Variants in ROR2 observed in about 807,000 individuals in gnomAD.
ROR2 encodes tyrosine-protein kinase transmembrane receptor ROR2.
ROR2 carries 33 observed loss-of-function variants against 74.9 expected under a neutral mutation model. The ratio of observed to expected loss-of-function variants is 0.44; its 90% CI spans 0.33 to 0.59. ROR2 has a LOEUF of 0.59. Ranked by LOEUF, ROR2 falls within the 20% of genes least tolerant of loss-of-function variation. The pLI is 0.02. For missense variants in ROR2, 1,216 were observed against 1,313.8 expected, an observed-to-expected ratio of 0.93 and a Z score of 1.15; for synonymous variants, 586 against 558.7, an observed-to-expected ratio of 1.05 and a Z score of -0.69.
Position 91,766,229 on chromosome 9 carries a change from C to T in ROR2, c.176-8670G>A, listed in dbSNP as rs148046806. Among the ~76,000 whole-genome samples the T allele has an allele frequency of 1.4e-4, 22 of 152,316 alleles. No homozygotes were observed. The East Asian group carries it at 3.3e-3, about 23-fold the overall frequency. On this transcript the variant is annotated intron_variant, in intron 2 of 8. Coordinates refer to ENST00000375708, the MANE Select transcript of ROR2 (RefSeq NM_004560.4). ...GTGAGCTCATGTTACAACTCCATGA[C>T]GCCTTCAGAATTCGGCCCTTGGTCT... is the stretch of plus-strand genomic sequence containing the variant.
At chr9:91,725,994 C>T (rs1339974460) in intron 8 of ROR2, among the ~76,000 whole-genome samples, 1 of 152,206 alleles carries the variant, frequency 6.6e-6, no homozygotes, top group African/African-American at 2.4e-5. Context: ...TGCCCTTTTA[C>T]AACACAACCT....
At chr9:91,771,696 G>C (rs989912406) in intron 2 of ROR2, among the ~76,000 whole-genome samples, 26 of 149,056 alleles carry the variant, frequency 1.7e-4, no homozygotes, top group Non-Finnish European at 2.8e-4. Context: ...CTCTCTCTCT[G>C]TCTCTCTCTC....
At chr9:91,816,169 G>C (rs1157557351) in intron 1 of ROR2, among the ~76,000 whole-genome samples, 1 of 152,004 alleles carries the variant, frequency 6.6e-6, no homozygotes, top group Non-Finnish European at 1.5e-5. Context: ...TTTCTCCCTG[G>C]GCCTGCCCTC....
At chr9:91,834,711 A>G (rs1168125593) in intron 1 of ROR2, among the ~76,000 whole-genome samples, 2 of 152,210 alleles carry the variant, frequency 1.3e-5, no homozygotes, top group African/African-American at 2.4e-5. Flanking sequence ...CTCCAAAGGT[A>G]TGGATCCCAA....
chr9:91,760,499 T>C (rs1825881874), intron 2 of ROR2, among the ~76,000 whole-genome samples: 1 of 151,154 alleles, frequency 6.6e-6, no homozygotes, highest in East Asian at 1.9e-4. Context: ...CCAGGCGAGG[T>C]GGCGGGCGCC....
At chr9:91,754,210 T>C (rs1825670399) in intron 4 of ROR2, among the ~76,000 whole-genome samples, 1 of 150,692 alleles carries the variant, frequency 6.6e-6, no homozygotes, top group Non-Finnish European at 1.5e-5. Context: ...TAAATATATA[T>C]ATTTACAATT....
chr9:91,853,707 C>CT (rs1452620776), intron 1 of ROR2, among the ~76,000 whole-genome samples: 1 of 152,198 alleles, frequency 6.6e-6, no homozygotes, highest in East Asian at 1.9e-4. Context: ...ACATCCCACT[C>CT]TGAGAATCTA....
At chr9:91,812,067 A>C (rs898549650) in intron 1 of ROR2, among the ~76,000 whole-genome samples, 25 of 151,880 alleles carry the variant, frequency 1.6e-4, no homozygotes, top group Non-Finnish European at 2.9e-4. Context: ...AATGCAAAAA[A>C]AAAAAAAAAA....
intron 1 of ROR2, among the ~76,000 whole-genome samples, chr9:91,834,136 A>C (rs577330084): frequency 6.6e-6 from 1 of 152,324 alleles, no homozygotes; most frequent in South Asian, 2.1e-4. Context: ...AAGGTCAGTA[A>C]ATCTATCTTG....
At chr9:91,736,089 C>T (rs1431395543) in intron 5 of ROR2, among the ~76,000 whole-genome samples, 1 of 152,108 alleles carries the variant, frequency 6.6e-6, no homozygotes, top group Admixed American at 6.5e-5. Flanking sequence ...TCGGTAAAAA[C>T]CTTTGAGAAG....
chr9:91,815,644 C>T (rs1457524864), intron 1 of ROR2, among the ~76,000 whole-genome samples: 10 of 152,316 alleles, frequency 6.6e-5, no homozygotes, highest in Non-Finnish European at 1.0e-4. Context: ...GTATTCTTGA[C>T]GAACAGTGTG....
rs763809292 is a variant in ROR2 at position 91,733,245 on chromosome 9, G to T, written c.814C>A (p.Arg272Ser). The change falls in exon 6 of 9, where the codon CGC (arginine) becomes AGC (serine). Residue 272 changes from arginine (R) to serine (S), a missense_variant. By Grantham distance (110) the Arg-to-Ser change is moderately radical. Coordinates refer to ENST00000375708, the MANE Select transcript of ROR2 (RefSeq NM_004560.4). The surrounding 1 kb of genome is among the most constrained non-coding windows in gnomAD (Gnocchi z 5.7). ...DLCRQEYTIA[R>S]SNPLILMRLQ... Reference sequence around the variant, plus strand: ...CGCATGAGGATGAGCGGGTTGGAGCGGGCGATGGTGTACTCCTGGCGGCAC... The same window carrying T: ...CGCATGAGGATGAGCGGGTTGGAGCTGGCGATGGTGTACTCCTGGCGGCAC... The T allele has an allele frequency of 1.2e-6, 2 of 1,612,754 alleles. No homozygotes were observed. Among genetic ancestry groups the T allele is most frequent in the Non-Finnish European group, 8.5e-7 (1 of 1,179,712 alleles).
At chr9:91,747,204 C>T (rs1172571482) in intron 4 of ROR2, among the ~76,000 whole-genome samples, 1 of 152,200 alleles carries the variant, frequency 6.6e-6, no homozygotes, top group Non-Finnish European at 1.5e-5. Context: ...TGTGGAGGCA[C>T]CGCCTTTTCT....
At chr9:91,841,832 T>TA (rs1413044733) in intron 1 of ROR2, among the ~76,000 whole-genome samples, 1 of 152,208 alleles carries the variant, frequency 6.6e-6, no homozygotes, top group Non-Finnish European at 1.5e-5. Flanking sequence ...TTTCTTATAT[T>TA]AATGGCACCT....
chr9:91,857,182 A>ATCACC (rs1829318757), intron 1 of ROR2, among the ~76,000 whole-genome samples: 1 of 152,212 alleles, frequency 6.6e-6, no homozygotes, highest in Non-Finnish European at 1.5e-5. Flanking sequence ...GCCTGCAGTC[A>ATCACC]TCACCTCCTC....
chr9:91,882,185 G>A (rs1048042839), intron 1 of ROR2, among the ~76,000 whole-genome samples: 5 of 152,144 alleles, frequency 3.3e-5, no homozygotes, highest in Admixed American at 6.5e-5. Flanking sequence ...GCTGAGGCGG[G>A]TGGATCTTGA....
intron 1 of ROR2, among the ~76,000 whole-genome samples, chr9:91,947,963 C>T (rs1483076236): frequency 6.6e-6 from 1 of 152,068 alleles, no homozygotes; most frequent in Non-Finnish European, 1.5e-5. Flanking sequence ...AGAATTATAT[C>T]CTATGCCCTC....
At position 91,724,752 on chromosome 9, in the gene ROR2, C is replaced by T. The variant is rs151303242; in HGVS notation, c.1742G>A (p.Arg581His). The T allele has an allele frequency of 9.1e-5, 147 of 1,613,948 alleles. No individual in the cohort carries two copies. Among genetic ancestry groups the T allele is most frequent in the East Asian group, 1.1e-4 (5 of 44,870 alleles). Residue 581 changes from arginine to histidine, a missense_variant, in exon 9 of 9, where the codon CGC becomes CAC. Coordinates refer to ENST00000375708, the MANE Select transcript of ROR2 (RefSeq NM_004560.4). Reference sequence around the variant, plus strand: ...GGGCTCCAGGGCGGACTTCACCGTGCGGTCATCATCGGTGCTGCCCACGTC... The same window carrying T: ...GGGCTCCAGGGCGGACTTCACCGTGTGGTCATCATCGGTGCTGCCCACGTC... The part of the protein sequence containing the change: ...HSDVGSTDDD[R>H]TVKSALEPPD...
intron 1 of ROR2, among the ~76,000 whole-genome samples, chr9:91,847,711 G>A (rs1828972263): frequency 6.6e-6 from 1 of 151,934 alleles, no homozygotes. Context: ...CCCACTCCCA[G>A]CACATGATGG....
Sources: allele counts gnomAD v4.1 joint callset (sites outside exome capture counted in the v4.1 genomes callset), GRCh38; gene constraint gnomAD v4.1.1; non-coding constraint Gnocchi (gnomAD v3.1); transcripts MANE v1.5; gene names NCBI Gene and HGNC (gene_info 2026-07-23, HGNC 2026-07-21).